Variants in USP32 observed in about 807,000 individuals in gnomAD.
The protein encoded by USP32 is ubiquitin specific peptidase 32.
In USP32, 59 loss-of-function variants were observed where a neutral mutation model predicts 204.8. The ratio of observed to expected loss-of-function variants is 0.29; its 90% confidence interval spans 0.23 to 0.36. The LOEUF (loss-of-function observed/expected upper bound fraction) is 0.36, where lower values mean the gene tolerates loss of function less well. Ranked by LOEUF, USP32 falls within the 10% of genes least tolerant of loss-of-function variation. USP32 has a pLI of 1.00. For synonymous variants in USP32, 517 were observed against 678.4 expected (o/e 0.76, Z 3.70); for missense variants, 1,160 against 1,946.4 (o/e 0.60, Z 7.60).
In USP32 at chr17:60,284,277, G is replaced by C. The variant is rs575966392; in HGVS notation, c.571+4246C>G. Among the ~76,000 whole-genome samples, 10 of 147,116 alleles carry C rather than the reference G, an allele frequency of 6.8e-5. No individual in the cohort carries two copies. The South Asian group carries it at 2.2e-3, about 32-fold the overall frequency. On this transcript the variant is annotated intron_variant, in intron 5 of 33. Coordinates refer to ENST00000300896, the MANE Select transcript of USP32 (RefSeq NM_032582.4). ...CGCCCAGGCTGGAGTGTAGTGGCAT[G>C]ATCTTGGCTCACTGCAACCCCCGCC...
chr17:60,352,367 C>G (rs1023978942), intron 1 of USP32, among the ~76,000 whole-genome samples: 1 of 152,128 alleles, frequency 6.6e-6, no homozygotes, highest in Non-Finnish European at 1.5e-5. Context: ...AAGTTATAAG[C>G]CATACAGTAA....
intron 9 of USP32, among the ~76,000 whole-genome samples, chr17:60,262,644 C>T (rs538909735): frequency 5.3e-5 from 8 of 152,222 alleles, no homozygotes; most frequent in East Asian, 3.9e-4. Context: ...ACCCAAGGCC[C>T]TTCAAGATAC....
At chr17:60,302,482 T>G (rs2145894007) in intron 2 of USP32, among the ~76,000 whole-genome samples, 1 of 152,350 alleles carries the variant, frequency 6.6e-6, no homozygotes, top group South Asian at 2.1e-4. Flanking sequence ...TAAGCTCTGA[T>G]GTTTGGTAGG....
At position 60,390,913 on chromosome 17, in the gene USP32, C is replaced by T. The variant is rs191911471; in HGVS notation, c.58+969G>A. ...TACACAGATCTACACACACTGAAAT[C>T]CCAGTCATGAAAAATTAAGACATTC... On this transcript the variant is annotated intron_variant, in intron 1 of 33. Coordinates refer to ENST00000300896, the MANE Select transcript of USP32 (RefSeq NM_032582.4). 3.9e-4 allele frequency among the ~76,000 whole-genome samples: 59 copies of T among 152,274 alleles called. No individual in the cohort carries two copies. The East Asian group carries it at 9.2e-3, about 24-fold the overall frequency.
At chr17:60,359,818 A>G (rs548924996) in intron 1 of USP32, among the ~76,000 whole-genome samples, 66 of 152,096 alleles carry the variant, frequency 4.3e-4, no homozygotes, top group Admixed American at 2.5e-3. Context: ...CTCTGAAAAT[A>G]ATAGATAAAT....
In USP32 at chr17:60,255,230, T is replaced by G; in HGVS notation, c.1019A>C (p.Gln340Pro). The change falls in exon 10 of 34, where the codon CAG (glutamine) becomes CCG (proline). Residue 340 changes from glutamine to proline, a missense_variant. Physicochemically the swap from Gln to Pro is moderately conservative, Grantham distance 76. This residue lies in a region of USP32 where 536 missense variants were observed against 680.9 expected (regional missense o/e 0.79). Coordinates refer to ENST00000300896, the MANE Select transcript of USP32 (RefSeq NM_032582.4). Reference sequence around the variant, plus strand: ...AAGAACATTTTTCACACTCCAGATCTGATAGTCTTCCAGAGTAAGATGACC... The same window carrying G: ...AAGAACATTTTTCACACTCCAGATCGGATAGTCTTCCAGAGTAAGATGACC... Reference protein sequence around the residue: ...KMGHLTLEDYQIWSVKNVLAN... With the variant: ...KMGHLTLEDYPIWSVKNVLAN... 1 of 1,612,216 alleles carries G rather than the reference T, an allele frequency of 6.2e-7. No homozygotes were observed. Among genetic ancestry groups the G allele is most frequent in the Non-Finnish European group, 8.5e-7 (1 of 1,179,448 alleles).
intron 5 of USP32, among the ~76,000 whole-genome samples, chr17:60,272,943 C>T (rs2086757195): frequency 6.6e-6 from 1 of 152,124 alleles, no homozygotes; most frequent in Non-Finnish European, 1.5e-5. Flanking sequence ...TGAGGCTGGG[C>T]TATGTACAAA....
chr17:60,234,743 AT>A (rs202019898), intron 12 of USP32, among the ~76,000 whole-genome samples: 3 of 150,080 alleles, frequency 2.0e-5, no homozygotes, highest in Admixed American at 6.6e-5. Flanking sequence ...AAAAAAAAAA[AT>A]TTTTTTTTGT....
chr17:60,192,781 G>T lies in USP32; in HGVS notation c.3521+63C>A, dbSNP rs1265459293. ...TACTTCTCAAAACTGGAAATCTTATGAAAACTGTATAATATCTAAAGCTGA... is the reference window on the plus strand; with the variant it reads ...TACTTCTCAAAACTGGAAATCTTATTAAAACTGTATAATATCTAAAGCTGA... On this transcript the variant is annotated intron_variant, in intron 28 of 33. Coordinates refer to ENST00000300896, the MANE Select transcript of USP32 (RefSeq NM_032582.4). 3.8e-6 allele frequency: 6 copies of T among 1,573,710 alleles called. No homozygotes were observed. The African/African-American group carries it at 5.4e-5, about 14-fold the overall frequency.
At chr17:60,281,282 TA>T (rs1335475999) in intron 5 of USP32, among the ~76,000 whole-genome samples, 1 of 152,256 alleles carries the variant, frequency 6.6e-6, no homozygotes. Context: ...CTCACGCCTG[TA>T]ATCCCAGCAC....
intron 1 of USP32, among the ~76,000 whole-genome samples, chr17:60,365,784 C>T (rs2146070423): frequency 6.6e-6 from 1 of 152,108 alleles, no homozygotes; most frequent in African/African-American, 2.4e-5. Context: ...TATTAAAATA[C>T]CAAAAATAAT....
At chr17:60,278,023 C>T (rs1167503634) in intron 5 of USP32, among the ~76,000 whole-genome samples, 2 of 149,774 alleles carry the variant, frequency 1.3e-5, no homozygotes, top group East Asian at 2.0e-4. Flanking sequence ...CCTCCCACCT[C>T]GGCCTCCACA....
intron 4 of USP32, among the ~76,000 whole-genome samples, chr17:60,292,486 G>C (rs1333799464): frequency 1.3e-5 from 2 of 152,078 alleles, no homozygotes; most frequent in Admixed American, 6.6e-5. Flanking sequence ...ATCTCAGTTA[G>C]TGGTAATTCC....
intron 26 of USP32, among the ~76,000 whole-genome samples, chr17:60,198,724 A>G (rs1241367412): frequency 1.3e-5 from 2 of 152,254 alleles, no homozygotes; most frequent in Non-Finnish European, 2.9e-5. Context: ...TTTCTCTGAT[A>G]AACATTTCTC....
chr17:60,354,610 T>TA (rs1424961817), intron 1 of USP32, among the ~76,000 whole-genome samples: 2 of 152,116 alleles, frequency 1.3e-5, no homozygotes, highest in African/African-American at 2.4e-5. Context: ...GGGTCCCTGC[T>TA]AAAAAAAGCT....
chr17:60,232,560 T>C (rs1472367762), intron 12 of USP32, among the ~76,000 whole-genome samples: 1 of 150,874 alleles, frequency 6.6e-6, no homozygotes, highest in Non-Finnish European at 1.5e-5. Context: ...TTTTTTTTTT[T>C]TTTTTAAATA....
chr17:60,231,375 A>C, intron 12 of USP32: 1 of 271,092 alleles, frequency 3.7e-6, no homozygotes, highest in South Asian at 3.6e-5. Context: ...CAGGACACTG[A>C]GCTCTAGAGT....
At chr17:60,349,888 A>G (rs2088908758) in intron 1 of USP32, among the ~76,000 whole-genome samples, 1 of 151,274 alleles carries the variant, frequency 6.6e-6, no homozygotes, top group Admixed American at 6.6e-5. Context: ...GAAAATAAAT[A>G]CATAAAAATG....
intron 1 of USP32, among the ~76,000 whole-genome samples, chr17:60,353,350 G>A (rs1002994426): frequency 1.3e-5 from 2 of 152,154 alleles, no homozygotes; most frequent in African/African-American, 4.8e-5. Context: ...CATTTCTGTC[G>A]TTTAATCATC....
Sources: gnomAD v4.1 joint callset for allele counts (sites outside exome capture counted in the v4.1 genomes callset) on GRCh38, gnomAD v4.1.1 for gene constraint, gnomAD v4.1.1 regional missense constraint, MANE v1.5 for transcripts, NCBI Gene and HGNC (gene_info 2026-07-23, HGNC 2026-07-21) for gene names.